Variants in PIP5K1B observed in about 807,000 individuals in gnomAD.
The protein encoded by PIP5K1B is phosphatidylinositol 4-phosphate 5-kinase type-1 beta.
Under a neutral mutation model 67.0 loss-of-function variants are expected in PIP5K1B, and 42 were observed. The ratio of observed to expected loss-of-function variants is 0.63; its 90% confidence interval spans 0.49 to 0.81. The LOEUF (loss-of-function observed/expected upper bound fraction) is 0.81, where lower values mean the gene tolerates loss of function less well. Ranked by LOEUF, PIP5K1B falls within the 30% of genes least tolerant of loss-of-function variation. The probability of loss-of-function intolerance (pLI) is 0.00; values close to 1 mark genes in which losing one functional copy is unlikely to be tolerated. For synonymous variants in PIP5K1B, 214 were observed against 231.4 expected, an observed-to-expected ratio of 0.92 and a Z score of 0.68; for missense variants, 459 against 646.3, an observed-to-expected ratio of 0.71 and a Z score of 3.14.
intron 15 of PIP5K1B, among the ~76,000 whole-genome samples, chr9:69,005,209 G>T (rs964423927): frequency 6.6e-6 from 1 of 151,726 alleles, no homozygotes; most frequent in Non-Finnish European, 1.5e-5. Flanking sequence ...TAATACTGAG[G>T]AGAGTATCTT....
At chr9:68,726,029 A>G (rs1267934823) in intron 1 of PIP5K1B, among the ~76,000 whole-genome samples, 2 of 152,208 alleles carry the variant, frequency 1.3e-5, no homozygotes, top group African/African-American at 4.8e-5. Context: ...TTTAACACCT[A>G]TGGAATCTTT....
intron 7 of PIP5K1B, among the ~76,000 whole-genome samples, chr9:68,893,154 G>C (rs1330697140): frequency 6.6e-6 from 1 of 151,986 alleles, no homozygotes; most frequent in Non-Finnish European, 1.5e-5. Context: ...TAAGCACCTT[G>C]AATATTTCTG....
rs142645474 is a variant in PIP5K1B at position 68,894,322 on chromosome 9, CT to C, written c.472-10del. 2 of 1,521,686 alleles carry C rather than the reference CT, an allele frequency of 1.3e-6. No individual in the cohort carries two copies. The highest frequency in any genetic ancestry group is 1.8e-6 in the Non-Finnish European group (2 of 1,112,112). 94.3% of individuals were successfully genotyped at this position (1,521,686 alleles called of 1,614,324 possible). A position where few individuals can be genotyped will look rare whatever the true frequency, so the allele number is the denominator to read the frequency against. ...AATAGAAGATTGTAAATATATTTTT[CT>C]TTTTTTGGTTTCTAGAATTTAAACC... On this transcript the variant is annotated splice_polypyrimidine_tract_variant and intron_variant, in intron 7 of 15. Coordinates refer to ENST00000265382, the MANE Select transcript of PIP5K1B (RefSeq NM_003558.4).
At chr9:68,840,006 G>A (rs904148480) in intron 4 of PIP5K1B, among the ~76,000 whole-genome samples, 2 of 152,212 alleles carry the variant, frequency 1.3e-5, no homozygotes, top group African/African-American at 2.4e-5. Context: ...GTGCCAATTA[G>A]CATCAACTCT....
chr9:68,779,329 T>G (rs1831091523), intron 2 of PIP5K1B, among the ~76,000 whole-genome samples: 3 of 150,950 alleles, frequency 2.0e-5, no homozygotes, highest in Admixed American at 1.3e-4. Flanking sequence ...AATACCATCC[T>G]CTGTTTTGGC....
intron 2 of PIP5K1B, among the ~76,000 whole-genome samples, chr9:68,753,515 CTTTTTTTTTTTT>C (rs71500334): frequency 1.0e-4 from 4 of 38,276 alleles, no homozygotes; most frequent in African/African-American, 3.5e-4. Context: ...AATTTTGTTT[CTTTTTTTTTTTT>C]TTTTTTTTTT....
At chr9:68,836,763 G>A (rs1268859892) in intron 4 of PIP5K1B, among the ~76,000 whole-genome samples, 1 of 152,076 alleles carries the variant, frequency 6.6e-6, no homozygotes, top group East Asian at 1.9e-4. Context: ...TAAAGCTCCT[G>A]ATTTACCTGG....
At chr9:68,979,542 T>TCCAGCCACCCC (rs1347446914) in intron 14 of PIP5K1B, among the ~76,000 whole-genome samples, 2 of 1,788 alleles carry the variant, frequency 1.1e-3, no homozygotes, top group Non-Finnish European at 2.5e-3. Flanking sequence ...TTATATCCTA[T>TCCAGCCACCCC]CACACACAGA....
chr9:68,809,818 C>T (rs1833064689), intron 2 of PIP5K1B, among the ~76,000 whole-genome samples: 1 of 152,178 alleles, frequency 6.6e-6, no homozygotes. Flanking sequence ...AGTTCCTCCT[C>T]CAAAAACCCA....
chr9:68,950,431 C>A (rs1034043083), intron 14 of PIP5K1B, among the ~76,000 whole-genome samples: 7 of 152,336 alleles, frequency 4.6e-5, no homozygotes, highest in Admixed American at 3.9e-4. Flanking sequence ...CCAGCAGCCT[C>A]ACACAGGGCA....
chr9:69,004,331 GTGTTTT>G (rs1162390971), intron 15 of PIP5K1B, among the ~76,000 whole-genome samples: 4 of 92,660 alleles, frequency 4.3e-5, no homozygotes, highest in African/African-American at 7.1e-5. Flanking sequence ...GTGTGTGTGT[GTGTTTT>G]TGTGTGTGTG....
At chr9:68,974,669 G>A (rs1308126394) in intron 14 of PIP5K1B, among the ~76,000 whole-genome samples, 3 of 152,182 alleles carry the variant, frequency 2.0e-5, no homozygotes, top group East Asian at 1.9e-4. Context: ...GCCTAGCCAC[G>A]AATGAGAGAA....
chr9:68,915,113 T>G (rs998292212), intron 8 of PIP5K1B, among the ~76,000 whole-genome samples: 1 of 152,186 alleles, frequency 6.6e-6, no homozygotes, highest in Admixed American at 6.5e-5. Flanking sequence ...CTATATGATA[T>G]GTAATAGTGT....
At chr9:68,887,136 C>A (rs1824517222) in intron 6 of PIP5K1B, among the ~76,000 whole-genome samples, 1 of 152,234 alleles carries the variant, frequency 6.6e-6, no homozygotes, top group African/African-American at 2.4e-5. Flanking sequence ...ATTCCTCACT[C>A]TTTGCTGGTA....
chr9:68,873,350 C>T (rs188877414), intron 5 of PIP5K1B, among the ~76,000 whole-genome samples: 16 of 141,456 alleles, frequency 1.1e-4, no homozygotes, highest in African/African-American at 2.9e-4. Context: ...TGCAGTGGCG[C>T]GACCTCGGCT....
chr9:68,875,625 T>A lies in PIP5K1B; in HGVS notation c.201-1052T>A, dbSNP rs574752613. ...TAGATCCAAAGTGTTTATTCTGTGC[T>A]GAAAGCCTTTGTCATTTGCCCAGTC... On this transcript the variant is annotated intron_variant, in intron 5 of 15. Transcript: ENST00000265382. 2.0e-5 allele frequency among the ~76,000 whole-genome samples: 3 copies of A among 152,344 alleles called. No homozygotes were observed. In the East Asian group the frequency reaches 5.8e-4, roughly 29 times the overall value.
chr9:68,819,241 C>G (rs1450155536), intron 3 of PIP5K1B, among the ~76,000 whole-genome samples: 1 of 152,112 alleles, frequency 6.6e-6, no homozygotes, highest in East Asian at 1.9e-4. Flanking sequence ...CCAAAATATA[C>G]TCAAGTCCCT....
chr9:68,924,401 CAAAAAAAA>C (rs71353093), intron 12 of PIP5K1B, among the ~76,000 whole-genome samples: 7 of 86,768 alleles, frequency 8.1e-5, no homozygotes, highest in Non-Finnish European at 1.3e-4. Flanking sequence ...CACTGCGCCT[CAAAAAAAA>C]AAAAAAAAAA....
At position 68,986,514 on chromosome 9, in the gene PIP5K1B, C is replaced by A. The variant is rs542573405; in HGVS notation, c.1503-4626C>A. Among the ~76,000 whole-genome samples, 10 of 151,980 alleles carry A rather than the reference C, an allele frequency of 6.6e-5. No individual in the cohort carries two copies. The East Asian group carries it at 1.5e-3, about 24-fold the overall frequency. On this transcript the variant is annotated intron_variant, in intron 14 of 15. Coordinates refer to ENST00000265382, the MANE Select transcript of PIP5K1B (RefSeq NM_003558.4). ...CTCGATGAGCCTCATTTTTGTCACC[C>A]AAATTTAATGATATTCAAAATATTC...
Sources: gnomAD v4.1 joint callset for allele counts (sites outside exome capture counted in the v4.1 genomes callset) on GRCh38, gnomAD v4.1.1 for gene constraint, MANE v1.5 for transcripts, NCBI Gene and HGNC (gene_info 2026-07-23, HGNC 2026-07-21) for gene names.